The following SEMA5A variants were observed in gnomAD, a reference collection of about 807,000 sequenced individuals.
SEMA5A encodes the protein semaphorin-5A.
Under a neutral mutation model 135.5 loss-of-function variants are expected in SEMA5A, and 55 were observed. The observed-to-expected ratio is 0.41, with a 90% confidence interval of 0.33 to 0.51. SEMA5A has a LOEUF of 0.51. Ranked by LOEUF, SEMA5A falls within the 20% of genes least tolerant of loss-of-function variation. The pLI is 0.37. For missense variants in SEMA5A, 1,290 were observed against 1,419.9 expected (o/e 0.91, Z 1.47); for synonymous variants, 580 against 546.5 (o/e 1.06, Z -0.85).
chr5:9,452,732 G>A (rs1332724024), intron 1 of SEMA5A, among the ~76,000 whole-genome samples: 1 of 152,138 alleles, frequency 6.6e-6, no homozygotes, highest in African/African-American at 2.4e-5. Flanking sequence ...AGGAACCCCA[G>A]TTTCCCTACC....
chr5:9,165,436 G>A (rs571624630), intron 11 of SEMA5A, among the ~76,000 whole-genome samples: 1 of 152,212 alleles, frequency 6.6e-6, no homozygotes, highest in Non-Finnish European at 1.5e-5. Flanking sequence ...TATAGTTTAA[G>A]GTATTTTTAA....
At chr5:9,432,417 C>T (rs954022307) in intron 2 of SEMA5A, among the ~76,000 whole-genome samples, 1 of 152,180 alleles carries the variant, frequency 6.6e-6, no homozygotes, top group Non-Finnish European at 1.5e-5. Flanking sequence ...GAACGTGGCA[C>T]CGAAAGAAAC....
At chr5:9,288,231 G>A (rs986548783) in intron 5 of SEMA5A, among the ~76,000 whole-genome samples, 5 of 152,182 alleles carry the variant, frequency 3.3e-5, no homozygotes, top group African/African-American at 1.2e-4. Context: ...ACACAGGTGT[G>A]GAAGAGGCAA....
At chr5:9,363,679 G>A (rs1441356434) in intron 3 of SEMA5A, among the ~76,000 whole-genome samples, 3 of 152,188 alleles carry the variant, frequency 2.0e-5, no homozygotes, top group African/African-American at 7.2e-5. Flanking sequence ...ACATAGTTAT[G>A]GAGGTAAAGG....
intron 8 of SEMA5A, among the ~76,000 whole-genome samples, chr5:9,223,048 A>G (rs1436440636): frequency 6.6e-6 from 1 of 152,244 alleles, no homozygotes; most frequent in East Asian, 1.9e-4. Flanking sequence ...AACATATGGA[A>G]AGAACAACTT....
At chr5:9,101,040 C>G (rs1739601934) in intron 16 of SEMA5A, among the ~76,000 whole-genome samples, 1 of 152,184 alleles carries the variant, frequency 6.6e-6, no homozygotes, top group Non-Finnish European at 1.5e-5. Context: ...TTGCATTCTT[C>G]TGGACCCTCA....
At chr5:9,422,759 C>G (rs1757513736) in intron 2 of SEMA5A, among the ~76,000 whole-genome samples, 1 of 152,056 alleles carries the variant, frequency 6.6e-6, no homozygotes, top group East Asian at 1.9e-4. Flanking sequence ...TTGCTGTTAT[C>G]TTGTTGAATT....
At chr5:9,341,839 T>C (rs910073117) in intron 3 of SEMA5A, among the ~76,000 whole-genome samples, 2 of 151,778 alleles carry the variant, frequency 1.3e-5, no homozygotes, top group Non-Finnish European at 2.9e-5. Flanking sequence ...GCAATGATTT[T>C]TTATTGCAAA....
chr5:9,334,271 T>C (rs1283254942), intron 4 of SEMA5A, among the ~76,000 whole-genome samples: 2 of 152,236 alleles, frequency 1.3e-5, no homozygotes, highest in Admixed American at 6.5e-5. Context: ...AAACCATTAC[T>C]GATTTCTGAA....
intron 16 of SEMA5A, among the ~76,000 whole-genome samples, chr5:9,080,357 A>G (rs1199615621): frequency 2.6e-5 from 4 of 152,094 alleles, no homozygotes; most frequent in African/African-American, 9.7e-5. Context: ...ATGAGAACAC[A>G]TGGACACAGG....
At chr5:9,404,189 C>T (rs1040871608) in intron 2 of SEMA5A, among the ~76,000 whole-genome samples, 2 of 152,166 alleles carry the variant, frequency 1.3e-5, no homozygotes, top group Non-Finnish European at 2.9e-5. Flanking sequence ...CTACCTCAGC[C>T]TCTCAAAGTG....
intron 18 of SEMA5A, among the ~76,000 whole-genome samples, chr5:9,057,481 T>C (rs532179734): frequency 6.6e-6 from 1 of 152,392 alleles, no homozygotes; most frequent in East Asian, 1.9e-4. Context: ...TCTAGTCTAA[T>C]AAATCCTCTC....
At chr5:9,105,225 C>T (rs1186398399) in intron 16 of SEMA5A, among the ~76,000 whole-genome samples, 1 of 152,170 alleles carries the variant, frequency 6.6e-6, no homozygotes, top group Non-Finnish European at 1.5e-5. Context: ...TAGCTCTTGG[C>T]AAGGGTCCTT....
chr5:9,151,603 G>A (rs1229687729), intron 12 of SEMA5A, among the ~76,000 whole-genome samples: 1 of 151,998 alleles, frequency 6.6e-6, no homozygotes, highest in Non-Finnish European at 1.5e-5. Context: ...GTTAACTAGG[G>A]AGGGTTTCCT....
In SEMA5A at chr5:9,044,446, G is replaced by A. The variant is rs1561095332; in HGVS notation, c.3032C>T (p.Pro1011Leu). ...GGTTATGCTGGTATTAAGGGGGGCA[G>A]GTGAGACGGGGTGGATGACAGTCGC... ...HDATVIHPVSPAPLNTSITNH... is the reference protein window; with the variant it reads ...HDATVIHPVSLAPLNTSITNH... The change falls in exon 22 of 23, where the codon CCT (proline) becomes CTT (leucine). Residue 1011 changes from proline to leucine, a missense_variant. Physicochemically the swap from Pro to Leu is moderately conservative, Grantham distance 98 (BLOSUM62 -3). Coordinates refer to ENST00000382496, the MANE Select transcript of SEMA5A (RefSeq NM_003966.3). 4 of 1,613,870 alleles carry A rather than the reference G, an allele frequency of 2.5e-6. No homozygotes were observed. Among genetic ancestry groups the A allele is most frequent in the African/African-American group, 1.3e-5 (1 of 74,902 alleles).
At chr5:9,353,744 T>C (rs1310246712) in intron 3 of SEMA5A, among the ~76,000 whole-genome samples, 1 of 152,170 alleles carries the variant, frequency 6.6e-6, no homozygotes, top group Admixed American at 6.5e-5. Context: ...TTTCTACACT[T>C]TCACACAAAA....
intron 1 of SEMA5A, among the ~76,000 whole-genome samples, chr5:9,504,108 G>C (rs1234255678): frequency 1.3e-5 from 2 of 151,566 alleles, no homozygotes; most frequent in African/African-American, 4.8e-5. Flanking sequence ...CCAGCTACTG[G>C]GAAGGCTGAG....
intron 3 of SEMA5A, among the ~76,000 whole-genome samples, chr5:9,379,306 T>G (rs1755493041): frequency 6.6e-6 from 1 of 152,138 alleles, no homozygotes; most frequent in Admixed American, 6.5e-5. Context: ...TAAATTTCAA[T>G]GAATGAAAGA....
At chr5:9,403,879 C>G (rs532066997) in intron 2 of SEMA5A, among the ~76,000 whole-genome samples, 3 of 152,260 alleles carry the variant, frequency 2.0e-5, no homozygotes, top group Admixed American at 6.5e-5. Context: ...GTGTTTACAT[C>G]CAAGTTCTAA....
Sources: allele counts gnomAD v4.1 joint callset (sites outside exome capture counted in the v4.1 genomes callset), GRCh38; gene constraint gnomAD v4.1.1; transcripts MANE v1.5; gene names NCBI Gene and HGNC (gene_info 2026-07-23, HGNC 2026-07-21).